Variants in FBXL18 observed in about 807,000 individuals in gnomAD.
FBXL18 encodes the protein F-box/LRR-repeat protein 18.
A neutral mutation model predicts 46.0 loss-of-function variants in FBXL18; 36 were observed. That is an observed-to-expected ratio of 0.78 (90% confidence interval 0.60 to 1.03). FBXL18 has a LOEUF of 1.03. FBXL18 is among the 50% of genes least tolerant of loss of function. FBXL18 has a pLI of 0.00. For missense variants in FBXL18, 977 were observed against 1,004.1 expected (o/e 0.97, Z 0.36); for synonymous variants, 557 against 465.3 (o/e 1.20, Z -2.54).
At chr7:5,459,374 G>A (rs1185979884) in intron 4 of FBXL18, among the ~76,000 whole-genome samples, 11 of 152,136 alleles carry the variant, frequency 7.2e-5, no homozygotes, top group African/African-American at 1.2e-4. Context: ...AGGCCAAGGC[G>A]GGTGGATCAC....
intron 4 of FBXL18, among the ~76,000 whole-genome samples, chr7:5,464,074 G>A (rs192214134): frequency 3.3e-4 from 50 of 152,232 alleles, no homozygotes; most frequent in East Asian, 1.2e-3. Flanking sequence ...GGCCGGGCGC[G>A]GTGACTCAGG....
Position 5,513,744 on chromosome 7 carries a change from T to G in FBXL18, c.-70A>C. ...TGCCTCCCACCTGCCCGGCTAGGGA[T>G]GCTCGAAGCCGGCGCGTCCACCGCT... is the stretch of plus-strand genomic sequence containing the variant. On this transcript the variant is annotated 5_prime_UTR_variant, in exon 1 of 5. Transcript: ENST00000382368. 2 of 1,560,878 alleles carry G rather than the reference T, an allele frequency of 1.3e-6. No individual in the cohort carries two copies. The highest frequency in any genetic ancestry group is 1.7e-6 in the Non-Finnish European group (2 of 1,152,422).
rs116814409 is a variant in FBXL18, at chr7:5,469,761, G to A, written c.2000+21470C>T. On this transcript the variant is annotated intron_variant and NMD_transcript_variant, in intron 4 of 6. Coordinates refer to the FBXL18 transcript ENST00000415009. ...AGAGGTGTGTCTGTGTGGCTGGGGT[G>A]GAGGTGTGGACTCAGGCGGTGTTTG... is the stretch of plus-strand genomic sequence containing the variant. 7.0e-3 allele frequency among the ~76,000 whole-genome samples: 1,063 copies of A among 152,138 alleles called. 12 individuals are homozygous for A. Among genetic ancestry groups the A allele is most frequent in the African/African-American group, 0.025 (1,033 of 41,488 alleles).
In FBXL18 at chr7:5,481,948, C is replaced by A; in HGVS notation, c.2001-17G>T. ...GCCTGGAAGCTGAACCAGAGACAGG[C>A]GGTCAGCGGATTACATGGGTGGCCA... is the stretch of plus-strand genomic sequence containing the variant. On this transcript the variant is annotated splice_polypyrimidine_tract_variant and intron_variant, in intron 4 of 4. Coordinates refer to ENST00000382368, the MANE Select transcript of FBXL18 (RefSeq NM_024963.6). 1.3e-6 allele frequency: 2 copies of A among 1,587,824 alleles called. No individual in the cohort carries two copies. The highest frequency in any genetic ancestry group is 1.7e-5 in the Admixed American group (1 of 57,548).
chr7:5,504,581 C>T (rs1784346163), intron 2 of FBXL18, among the ~76,000 whole-genome samples: 1 of 143,044 alleles, frequency 7.0e-6, no homozygotes, highest in South Asian at 2.5e-4. Flanking sequence ...GCTGGGATTA[C>T]AGGCGTGAAC....
chr7:5,506,106 C>A (rs572823639), intron 1 of FBXL18, among the ~76,000 whole-genome samples: 11 of 151,884 alleles, frequency 7.2e-5, no homozygotes, highest in Non-Finnish European at 1.5e-4. Flanking sequence ...GCAAGTGATC[C>A]TCCTGCCTTG....
At position 5,510,401 on chromosome 7, in the gene FBXL18, G is replaced by A. The variant is rs557532024; in HGVS notation, c.18+3256C>T. On this transcript the variant is annotated intron_variant, in intron 1 of 4. Coordinates refer to ENST00000382368, the MANE Select transcript of FBXL18 (RefSeq NM_024963.6). ...CTACAAAAAAATTAAAAAATTAGTT[G>A]AGCCAGGCACGGTGGCTCACGCCTG... Among the ~76,000 whole-genome samples the A allele has an allele frequency of 2.0e-5, 3 of 150,416 alleles. No homozygotes were observed. In the East Asian group the frequency reaches 5.9e-4, roughly 30 times the overall value.
chr7:5,466,698 T>C (rs987145510), intron 4 of FBXL18, among the ~76,000 whole-genome samples: 7 of 152,144 alleles, frequency 4.6e-5, no homozygotes, highest in Non-Finnish European at 1.0e-4. Flanking sequence ...CTGGGGCTCA[T>C]TATTCTGCCT....
At chr7:5,512,021 G>T (rs556917066) in intron 1 of FBXL18, among the ~76,000 whole-genome samples, 19 of 150,838 alleles carry the variant, frequency 1.3e-4, no homozygotes, top group Non-Finnish European at 2.4e-4. Context: ...GGATCACGAG[G>T]TCAGGAGATT....
chr7:5,488,055 T>C (rs1783821920), intron 4 of FBXL18, among the ~76,000 whole-genome samples: 1 of 152,238 alleles, frequency 6.6e-6, no homozygotes. Flanking sequence ...AGCTTGTGCC[T>C]GAGGACACAA....
rs1036287041 is a variant in FBXL18, at chr7:5,476,208, C to G, written c.*5567G>C. ...CACGCACATGCTTGCCCATGAACAC[C>G]CCCCGGGCACACACACACCCTTGCA... On this transcript the variant is annotated 3_prime_UTR_variant, in exon 5 of 5. Transcript: ENST00000382368. 2.6e-5 allele frequency: 4 copies of G among 152,604 alleles called. No individual in the cohort carries two copies. The highest frequency in any genetic ancestry group is 9.7e-5 in the African/African-American group (4 of 41,354). The allele number at this position is 152,604 out of a possible 1,614,324, so 9.5% of individuals were successfully genotyped here. A position where few individuals can be genotyped will look rare whatever the true frequency, so the allele number is the denominator to read the frequency against.
At chr7:5,467,463 T>G (rs1032347086) in intron 4 of FBXL18, among the ~76,000 whole-genome samples, 1 of 150,076 alleles carries the variant, frequency 6.7e-6, no homozygotes, top group Non-Finnish European at 1.5e-5. Context: ...GGAGAATCAC[T>G]TGAACCTGGG....
At chr7:5,490,610 C>T (rs1047250921) in intron 4 of FBXL18, among the ~76,000 whole-genome samples, 3 of 152,174 alleles carry the variant, frequency 2.0e-5, no homozygotes, top group Non-Finnish European at 4.4e-5. Context: ...CCCACAACTG[C>T]CCAAGTAAGC....
At chr7:5,486,073 AT>A (rs1222655851) in intron 4 of FBXL18, among the ~76,000 whole-genome samples, 8 of 144,588 alleles carry the variant, frequency 5.5e-5, no homozygotes, top group Middle Eastern at 7.8e-3. Context: ...AAATAAATAA[AT>A]AAATAAATAA....
chr7:5,501,537 C>T lies in FBXL18; in HGVS notation c.732G>A (p.Gln244=), dbSNP rs747729895. 1.2e-6 allele frequency: 2 copies of T among 1,613,978 alleles called. No individual in the cohort carries two copies. The highest frequency in any genetic ancestry group is 2.7e-5 in the African/African-American group (2 of 75,076). Residue 244 remains glutamine, a synonymous_variant, in exon 3 of 5, where the codon CAG becomes CAA. Transcript: ENST00000382368. ...CAGCCAGGTAGAGCCGCACCACCTCCTGGTTGATGTAGCCGGGGGCCAGGC... is the reference window on the plus strand; with the variant it reads ...CAGCCAGGTAGAGCCGCACCACCTCTTGGTTGATGTAGCCGGGGGCCAGGC... The part of the protein sequence containing the change: ...YARLAPGYIN[Q]EVVRLYLAVL...
At chr7:5,487,201 G>A (rs1783798407) in intron 4 of FBXL18, among the ~76,000 whole-genome samples, 1 of 152,274 alleles carries the variant, frequency 6.6e-6, no homozygotes, top group South Asian at 2.1e-4. Flanking sequence ...GCTGGGACCT[G>A]CGGCTCGGGC....
intron 4 of FBXL18, among the ~76,000 whole-genome samples, chr7:5,463,545 G>A (rs1259075615): frequency 6.6e-6 from 1 of 151,502 alleles, no homozygotes; most frequent in African/African-American, 2.4e-5. Context: ...CTTGAGCCCA[G>A]GAGGTCAAGG....
At chr7:5,462,961 AAAAAAAAAAT>A (rs1446750307) in intron 4 of FBXL18, among the ~76,000 whole-genome samples, 2 of 21,352 alleles carry the variant, frequency 9.4e-5, no homozygotes, top group Admixed American at 5.1e-4. Context: ...AAAAAAAAAA[AAAAAAAAAAT>A]ATATATATAT....
intron 3 of FBXL18, among the ~76,000 whole-genome samples, chr7:5,500,206 G>T (rs577274979): frequency 6.6e-6 from 1 of 152,090 alleles, no homozygotes; most frequent in Non-Finnish European, 1.5e-5. Context: ...CACCTGGCAG[G>T]GTCCTGAGAC....
Sources: allele counts gnomAD v4.1 joint callset (sites outside exome capture counted in the v4.1 genomes callset), GRCh38; gene constraint gnomAD v4.1.1; transcripts MANE v1.5; gene names NCBI Gene and HGNC (gene_info 2026-07-23, HGNC 2026-07-21).